MAPK10: variants seen among roughly 807,000 people sequenced by gnomAD.
The protein encoded by MAPK10 is JNK3 alpha protein kinase.
Under a neutral mutation model 59.3 loss-of-function variants are expected in MAPK10, and 25 were observed. The ratio of observed to expected loss-of-function variants is 0.42; its 90% confidence interval spans 0.31 to 0.59. The LOEUF (loss-of-function observed/expected upper bound fraction) is 0.59, where lower values mean the gene tolerates loss of function less well. MAPK10 is among the 20% of genes least tolerant of loss of function. The pLI is 0.15. For synonymous variants in MAPK10, 190 were observed against 200.5 expected (o/e 0.95, Z 0.44); for missense variants, 351 against 568.9 (o/e 0.62, Z 3.90).
At chr4:86,167,470 T>A (rs980554512) in intron 3 of MAPK10, among the ~76,000 whole-genome samples, 1 of 152,108 alleles carries the variant, frequency 6.6e-6, no homozygotes, top group African/African-American at 2.4e-5. Context: ...AGATACTCAA[T>A]AAAGTACTGT....
chr4:86,286,647 G>C (rs935602716), intron 2 of MAPK10, among the ~76,000 whole-genome samples: 1 of 152,168 alleles, frequency 6.6e-6, no homozygotes, highest in Non-Finnish European at 1.5e-5. Flanking sequence ...TGGCAGAGCA[G>C]AGATCCACTC....
intron 2 of MAPK10, among the ~76,000 whole-genome samples, chr4:86,353,195 C>A (rs1732546014): frequency 6.6e-6 from 1 of 152,096 alleles, no homozygotes. Context: ...CATGTAATAG[C>A]ACTTTGTAAG....
intron 2 of MAPK10, among the ~76,000 whole-genome samples, chr4:86,342,231 A>G (rs1725404066): frequency 6.6e-6 from 1 of 152,220 alleles, no homozygotes; most frequent in Admixed American, 6.5e-5. Context: ...ATGAGATACA[A>G]TGAAATTCAA....
intron 1 of MAPK10, among the ~76,000 whole-genome samples, chr4:86,577,077 G>A (rs1215505129): frequency 6.6e-6 from 1 of 152,096 alleles, no homozygotes; most frequent in Non-Finnish European, 1.5e-5. Flanking sequence ...GCCGAGGTGG[G>A]AGGGTTGTCT....
intron 1 of MAPK10, 100 bp downstream of exon 1, chr4:86,359,558 C>T: frequency 2.3e-6 from 1 of 431,150 alleles, no homozygotes; most frequent in Non-Finnish European, 3.1e-6. Context: ...TCTCTCGTCT[C>T]TTCCATACTC....
chr4:86,234,322 T>C (rs1333706004), intron 2 of MAPK10, among the ~76,000 whole-genome samples: 1 of 152,198 alleles, frequency 6.6e-6, no homozygotes, highest in Non-Finnish European at 1.5e-5. Context: ...GTAATAATTA[T>C]ATTTTGTCTC....
intron 1 of MAPK10, among the ~76,000 whole-genome samples, chr4:86,478,365 C>T (rs569272463): frequency 3.1e-4 from 47 of 152,164 alleles, no homozygotes; most frequent in Middle Eastern, 3.2e-3. Flanking sequence ...ACACAAGAAC[C>T]GGGACTACGC....
chr4:86,021,804 G>A (rs969349796), intron 13 of MAPK10, among the ~76,000 whole-genome samples: 15 of 152,348 alleles, frequency 9.8e-5, no homozygotes, highest in South Asian at 8.3e-4. Context: ...CCGGTGGGCC[G>A]GCACTGCTGG....
intron 1 of MAPK10, among the ~76,000 whole-genome samples, chr4:86,521,584 G>A (rs569108597): frequency 3.9e-5 from 6 of 152,204 alleles, no homozygotes; most frequent in East Asian, 1.9e-4. Flanking sequence ...GTAGGGGAAA[G>A]CTAGCAGTGA....
intron 1 of MAPK10, among the ~76,000 whole-genome samples, chr4:86,404,058 T>G (rs937392222): frequency 1.4e-4 from 21 of 152,330 alleles, no homozygotes; most frequent in Admixed American, 5.2e-4. Context: ...TGTCATGATG[T>G]CAGGTCCAAA....
At chr4:86,474,643 C>T (rs1752919798) in intron 1 of MAPK10, among the ~76,000 whole-genome samples, 1 of 152,274 alleles carries the variant, frequency 6.6e-6, no homozygotes, top group South Asian at 2.1e-4. Flanking sequence ...ACCCACTGCA[C>T]CCCAGTTTAG....
At position 86,295,768 on chromosome 4, in the gene MAPK10, T is replaced by TTTA. The variant is rs2095346135; in HGVS notation, c.-7+58761_-7+58762insTAA. On this transcript the variant is annotated intron_variant, in intron 2 of 13. Transcript: ENST00000641462. ...TATATATATTTTATATATATATATT[T>TTTA]TATATATATATATATTCTCTATATT... 2.1e-5 allele frequency among the ~76,000 whole-genome samples: 3 copies of TTTA among 144,092 alleles called. 1 individual carries two copies. The highest frequency in any genetic ancestry group is 7.8e-5 in the African/African-American group (3 of 38,362). The allele number at this position is 144,092 out of a possible 152,430, so 94.5% of individuals were successfully genotyped here.
intron 1 of MAPK10, among the ~76,000 whole-genome samples, chr4:86,415,961 C>G (rs1027461791): frequency 7.2e-5 from 11 of 152,122 alleles, no homozygotes; most frequent in Admixed American, 7.2e-4. Context: ...GCTGGATGAT[C>G]TTGGTAAAAT....
chr4:86,557,579 C>T (rs1760363809), intron 1 of MAPK10, among the ~76,000 whole-genome samples: 1 of 152,104 alleles, frequency 6.6e-6, no homozygotes, highest in South Asian at 2.1e-4. Context: ...TTACAAATTA[C>T]TGATAAATTT....
At chr4:86,366,476 T>C (rs1415332895) in intron 1 of MAPK10, among the ~76,000 whole-genome samples, 1 of 152,064 alleles carries the variant, frequency 6.6e-6, no homozygotes, top group East Asian at 1.9e-4. Flanking sequence ...AGCCAATAAG[T>C]TAGGGTTCCT....
intron 2 of MAPK10, among the ~76,000 whole-genome samples, chr4:86,195,727 C>T (rs1357229890): frequency 1.3e-5 from 2 of 152,114 alleles, no homozygotes; most frequent in Non-Finnish European, 2.9e-5. Flanking sequence ...CCCTAGGCCC[C>T]CACCCTGACA....
intron 1 of MAPK10, among the ~76,000 whole-genome samples, chr4:86,403,312 C>T (rs1024284577): frequency 6.6e-6 from 1 of 152,044 alleles, no homozygotes; most frequent in Non-Finnish European, 1.5e-5. Context: ...GTCAGGAGTT[C>T]AAGATCAGTC....
chr4:86,081,085 G>T (rs2050552704), intron 9 of MAPK10: 1 of 151,892 alleles, frequency 6.6e-6, no homozygotes, highest in African/African-American at 2.4e-5. Context: ...CAAACCAGTG[G>T]AACAGAATAT....
chr4:86,183,351 C>T (rs1212154107), intron 3 of MAPK10, among the ~76,000 whole-genome samples: 1 of 144,302 alleles, frequency 6.9e-6, no homozygotes, highest in Non-Finnish European at 1.5e-5. Context: ...CATGTGTTCT[C>T]ATTGTTCAGT....
Sources: allele counts gnomAD v4.1 joint callset (sites outside exome capture counted in the v4.1 genomes callset), GRCh38; gene constraint gnomAD v4.1.1; transcripts MANE v1.5; gene names NCBI Gene and HGNC (gene_info 2026-07-23, HGNC 2026-07-21).